The following CLEC18A variants were observed in gnomAD, a reference collection of about 807,000 sequenced individuals.
CLEC18A encodes the protein mannose receptor-like 1.
A neutral mutation model predicts 24.0 loss-of-function variants in CLEC18A; 5 were observed. That is an observed-to-expected ratio of 0.21 (90% CI 0.11 to 0.44). The LOEUF (loss-of-function observed/expected upper bound fraction) is 0.44. CLEC18A is among the 20% of genes least tolerant of loss of function. The pLI is 0.99. For missense variants in CLEC18A, 83 were observed against 233.4 expected, an observed-to-expected ratio of 0.36 and a Z score of 4.20; for synonymous variants, 29 against 100.1, an observed-to-expected ratio of 0.29 and a Z score of 4.24.
At chr16:69,954,608 T>C (rs759168809) in intron 3 of CLEC18A, 35 bp downstream of exon 3, 17 of 1,606,232 alleles carry the variant, frequency 1.1e-5, no homozygotes, top group Non-Finnish European at 1.4e-5. Flanking sequence ...GTGTGCCAGC[T>C]CCCAGATACA....
chr16:69,948,766 C>T (rs2058917392), upstream of CLEC18A, among the ~76,000 whole-genome samples: 1 of 139,082 alleles, frequency 7.2e-6, no homozygotes, highest in Non-Finnish European at 1.5e-5. Context: ...TGGTTAGGGG[C>T]CCAGCAGAGG....
chr16:69,944,190 A>T, the CLEC18A span, among the ~76,000 whole-genome samples: 1 of 133,706 alleles, frequency 7.5e-6, no homozygotes, highest in Non-Finnish European at 1.8e-5. Context: ...CAGCTACTTG[A>T]GAGGCTGAAG....
downstream of CLEC18A, among the ~76,000 whole-genome samples, chr16:69,965,409 G>A (rs553442857): frequency 1.1e-4 from 16 of 152,138 alleles, 3 homozygotes; most frequent in South Asian, 3.1e-3. Context: ...CCCCTTGTCC[G>A]GGGCCACGGC....
At chr16:69,953,862 G>A (rs1426303352) in intron 2 of CLEC18A, 7 of 252,738 alleles carry the variant, frequency 2.8e-5, no homozygotes, top group South Asian at 1.2e-4. Flanking sequence ...TCAGCTGTGC[G>A]TGGTGGGGAG....
the CLEC18A span, among the ~76,000 whole-genome samples, chr16:69,943,560 C>T: frequency 1.3e-4 from 20 of 152,304 alleles, no homozygotes; most frequent in East Asian, 3.9e-3. Flanking sequence ...CTTGTCGTTT[C>T]GTGACTGGTT....
chr16:69,943,532 G>T, the CLEC18A span, among the ~76,000 whole-genome samples: 1 of 152,068 alleles, frequency 6.6e-6, no homozygotes, highest in Non-Finnish European at 1.5e-5. Context: ...ACCTCCTTAC[G>T]AGTGGAATCA....
the CLEC18A span, among the ~76,000 whole-genome samples, chr16:69,945,227 C>T: frequency 1.3e-4 from 20 of 149,082 alleles, no homozygotes; most frequent in South Asian, 3.3e-3. Context: ...GAATTCGAGG[C>T]TACTCAGCAA....
the CLEC18A span, among the ~76,000 whole-genome samples, chr16:69,945,619 C>T: frequency 6.6e-6 from 1 of 152,270 alleles, no homozygotes; most frequent in Non-Finnish European, 1.5e-5. Context: ...GGATTACAGG[C>T]ACATGCCACC....
chr16:69,963,249 C>T (rs1416447559), intron 11 of CLEC18A, among the ~76,000 whole-genome samples, 182 bp downstream of exon 11: 14 of 151,988 alleles, frequency 9.2e-5, no homozygotes, highest in African/African-American at 2.4e-4. Flanking sequence ...GGGGCAACGA[C>T]GGGCCCAGCT....
At chr16:69,966,245 C>A (rs980829861), downstream of CLEC18A, among the ~76,000 whole-genome samples, 43 of 150,610 alleles carry the variant, frequency 2.9e-4, 1 homozygote, top group Non-Finnish European at 5.6e-4. Context: ...ATTGGATCTG[C>A]TTCTTTGAAA....
intron 3 of CLEC18A, among the ~76,000 whole-genome samples, chr16:69,955,658 G>A (rs186835761): frequency 8.2e-5 from 12 of 146,698 alleles, no homozygotes; most frequent in African/African-American, 2.9e-4. Context: ...AGCCTCAAAC[G>A]TAAATTTAAA....
upstream of CLEC18A, among the ~76,000 whole-genome samples, chr16:69,948,374 G>GTTTTTT (rs59792189): frequency 6.3e-5 from 8 of 126,522 alleles, no homozygotes; most frequent in African/African-American, 2.6e-4. Context: ...AGAGTTAAAT[G>GTTTTTT]TTTTTTTTGT....
chr16:69,944,544 A>G, the CLEC18A span, among the ~76,000 whole-genome samples: 1,132 of 151,704 alleles, frequency 7.5e-3, no homozygotes, highest in Non-Finnish European at 0.011. Flanking sequence ...CTATCTAAAA[A>G]AAAGAAAAAG....
chr16:69,945,488 C>T, the CLEC18A span, among the ~76,000 whole-genome samples: 17 of 152,332 alleles, frequency 1.1e-4, no homozygotes, highest in South Asian at 8.3e-4. Flanking sequence ...TTTGCCTTTC[C>T]GTGCAAATTT....
chr16:69,955,551 A>G (rs1415735876), intron 3 of CLEC18A, among the ~76,000 whole-genome samples: 1 of 150,556 alleles, frequency 6.6e-6, no homozygotes, highest in Non-Finnish European at 1.5e-5. Context: ...GGGTTTCACC[A>G]TGCTGGCCAG....
downstream of CLEC18A, among the ~76,000 whole-genome samples, chr16:69,966,453 G>A (rs1373043688): frequency 7.2e-6 from 1 of 138,434 alleles, no homozygotes; most frequent in African/African-American, 2.6e-5. Context: ...AAACCAAGAT[G>A]GTGATGCGAA....
In CLEC18A at chr16:69,962,972, G is replaced by C; in HGVS notation, c.1212-4G>C. The C allele has an allele frequency of 6.4e-7, 1 of 1,570,980 alleles. No homozygotes were observed. Among genetic ancestry groups the C allele is most frequent in the African/African-American group, 1.3e-5 (1 of 74,108 alleles). ...CCTCCTGACCACCACACCATGGCCT[G>C]CAGGTTTGGCAACTGCGTGGAGCTG... On this transcript the variant is annotated splice_region_variant and splice_polypyrimidine_tract_variant and intron_variant, in intron 10 of 11. Transcript: ENST00000288040.
At chr16:69,954,217 C>A (rs2058999868) in intron 2 of CLEC18A, 117 bp from the exon 3 acceptor site, 1 of 1,411,564 alleles carries the variant, frequency 7.1e-7, no homozygotes, top group African/African-American at 1.4e-5. Context: ...CCAGTGCTCT[C>A]TTTGCCACCT....
At chr16:69,955,708 C>T (rs1281907487) in intron 3 of CLEC18A, among the ~76,000 whole-genome samples, 1 of 138,400 alleles carries the variant, frequency 7.2e-6, no homozygotes, top group Non-Finnish European at 1.5e-5. Flanking sequence ...TTAGAAGATG[C>T]TACTAAACTA....
Sources: gnomAD v4.1 joint callset for allele counts (sites outside exome capture counted in the v4.1 genomes callset) on GRCh38, gnomAD v4.1.1 for gene constraint, MANE v1.5 for transcripts, NCBI Gene and HGNC (gene_info 2026-07-23, HGNC 2026-07-21) for gene names.